CTSS: variants seen among roughly 807,000 people sequenced by gnomAD.
The protein encoded by CTSS is cathepsin S.
CTSS carries 15 observed loss-of-function variants against 39.9 expected under a neutral mutation model. That is an observed-to-expected ratio of 0.38 (90% CI 0.25 to 0.58). CTSS has a LOEUF of 0.58. CTSS is among the 20% of genes least tolerant of loss of function. The probability of loss-of-function intolerance (pLI) is 0.70; values close to 1 mark genes in which losing one functional copy is unlikely to be tolerated. For missense variants in CTSS, 250 were observed against 398.2 expected (o/e 0.63, Z 3.17); for synonymous variants, 126 against 138.2 (o/e 0.91, Z 0.62).
In CTSS at chr1:150,747,827, C is replaced by T. The variant is rs766251331; in HGVS notation, c.846G>A (p.Val282=). ...CTQNVNHGVL[V]VGYGDLNGKE... Reference sequence around the variant, plus strand: ...TCCCATTAAGATCACCATAGCCAACCACAAGTACACCATGATTCACATTCT... The same window carrying T: ...TCCCATTAAGATCACCATAGCCAACTACAAGTACACCATGATTCACATTCT... Residue 282 remains valine, a synonymous_variant, in exon 7 of 8, where the codon GTG becomes GTA. Transcript: ENST00000368985. 1.2e-4 allele frequency: 195 copies of T among 1,613,738 alleles called. 1 individual carries two copies. The Admixed American group carries it at 3.2e-3, about 26-fold the overall frequency.
chr1:150,742,053 A>T (rs1347886866), intron 7 of CTSS, among the ~76,000 whole-genome samples: 2 of 152,090 alleles, frequency 1.3e-5, no homozygotes, highest in East Asian at 3.9e-4. Flanking sequence ...CCTGGCCAAC[A>T]TGGTGAAACT....
chr1:150,752,262 A>G (rs1344765747), intron 4 of CTSS, among the ~76,000 whole-genome samples: 1 of 152,214 alleles, frequency 6.6e-6, no homozygotes. Flanking sequence ...CCATATTCAA[A>G]TATACTTAGA....
In CTSS at chr1:150,732,771, C is replaced by T. The variant is rs1291866532; in HGVS notation, c.*275G>A. ...TACAGGCATGCACCACCGTGCTCGG[C>T]TAATTTTTTGTATTTTTAGTAGAGA... On this transcript the variant is annotated 3_prime_UTR_variant, in exon 8 of 8. Coordinates refer to ENST00000368985, the MANE Select transcript of CTSS (RefSeq NM_004079.5). The T allele has an allele frequency of 4.0e-6, 1 of 250,976 alleles. No homozygotes were observed. The highest frequency in any genetic ancestry group is 1.0e-4 in the East Asian group (1 of 9,546). 15.5% of individuals were successfully genotyped at this position (250,976 alleles called of 1,614,324 possible).
At chr1:150,757,653 A>G (rs1653161179) in intron 3 of CTSS, among the ~76,000 whole-genome samples, 1 of 152,164 alleles carries the variant, frequency 6.6e-6, no homozygotes, top group Admixed American at 6.5e-5. Context: ...TAAAGAAGTG[A>G]TTTGTTAAAG....
intron 7 of CTSS, among the ~76,000 whole-genome samples, chr1:150,735,847 C>T (rs1652625009): frequency 6.6e-6 from 1 of 151,450 alleles, no homozygotes; most frequent in Non-Finnish European, 1.5e-5. Flanking sequence ...AGCTCCGCCT[C>T]CCGGGTTCAC....
chr1:150,730,685 AAGTT>A lies in CTSS; in HGVS notation c.*2357_*2360del, dbSNP rs1412552519. Reference sequence around the variant, plus strand: ...AACCCCGTCACTAACCTCTAACTGAAAGTTAGGATTTTCTTCAATTCTGAACATA... The same window carrying A: ...AACCCCGTCACTAACCTCTAACTGAAAGGATTTTCTTCAATTCTGAACATA... On this transcript the variant is annotated 3_prime_UTR_variant, in exon 8 of 8. Transcript: ENST00000368985. 2 of 152,172 alleles carry A rather than the reference AAGTT, an allele frequency of 1.3e-5. No homozygotes were observed. Among genetic ancestry groups the A allele is most frequent in the African/African-American group, 4.8e-5 (2 of 41,428 alleles). The allele number at this position is 152,172 out of a possible 1,614,324, so 9.4% of individuals were successfully genotyped here.
chr1:150,734,421 A>G (rs1652591343), intron 7 of CTSS, among the ~76,000 whole-genome samples: 2 of 151,714 alleles, frequency 1.3e-5, no homozygotes, highest in Non-Finnish European at 2.9e-5. Flanking sequence ...CGGGCAGATC[A>G]TTTGAGGTCA....
chr1:150,764,498 A>G, intron 2 of CTSS, 140 bp downstream of exon 2: 1 of 1,147,602 alleles, frequency 8.7e-7, no homozygotes, highest in South Asian at 1.4e-5. Flanking sequence ...TTGGCCTTCC[A>G]AAGGGCTAGG....
At chr1:150,761,027 A>G (rs1423555192) in intron 2 of CTSS, among the ~76,000 whole-genome samples, 1 of 151,754 alleles carries the variant, frequency 6.6e-6, no homozygotes, top group Non-Finnish European at 1.5e-5. Flanking sequence ...AAAAACACAA[A>G]AATTAGCTAG....
At chr1:150,735,913 C>T (rs1035691160) in intron 7 of CTSS, among the ~76,000 whole-genome samples, 5 of 151,936 alleles carry the variant, frequency 3.3e-5, no homozygotes, top group African/African-American at 4.8e-5. Flanking sequence ...CCCACCACCA[C>T]GCCTGGCTAA....
At chr1:150,764,536 C>T (rs1300223460) in intron 2 of CTSS, 102 bp downstream of exon 2, 16 of 1,504,808 alleles carry the variant, frequency 1.1e-5, no homozygotes, top group Non-Finnish European at 1.5e-5. Context: ...CCACACCCAG[C>T]TTAAATATTT....
intron 7 of CTSS, among the ~76,000 whole-genome samples, chr1:150,740,198 A>G (rs1652720515): frequency 6.6e-6 from 1 of 152,234 alleles, no homozygotes; most frequent in African/African-American, 2.4e-5. Flanking sequence ...TTGCACAAAT[A>G]GCTATAACAC....
chr1:150,743,527 A>ATATATT (rs1454541974), intron 7 of CTSS, among the ~76,000 whole-genome samples: 1 of 139,682 alleles, frequency 7.2e-6, no homozygotes, highest in Non-Finnish European at 1.5e-5. Flanking sequence ...ATATTTATAA[A>ATATATT]TATATTTATA....
intron 3 of CTSS, among the ~76,000 whole-genome samples, chr1:150,756,266 C>T (rs1653124516): frequency 6.6e-6 from 1 of 152,160 alleles, no homozygotes; most frequent in Admixed American, 6.5e-5. Flanking sequence ...CTGTCATCTC[C>T]TCTGATAACA....
chr1:150,741,880 A>T lies in CTSS; in HGVS notation c.896+5897T>A, dbSNP rs587680086. ...ACAGAGCGAGACTCTGTCTCAAAAA[A>T]AAAAGGGGGGGGGAAGAATATGAAC... On this transcript the variant is annotated intron_variant, in intron 7 of 7. Transcript: ENST00000368985. 5.4e-5 allele frequency among the ~76,000 whole-genome samples: 7 copies of T among 129,548 alleles called. No homozygotes were observed. In the East Asian group the frequency reaches 6.7e-4, roughly 12 times the overall value. The allele number at this position is 129,548 out of a possible 152,430, so 85.0% of individuals were successfully genotyped here.
intron 7 of CTSS, among the ~76,000 whole-genome samples, chr1:150,740,320 G>T (rs1387038838): frequency 6.6e-6 from 1 of 152,036 alleles, no homozygotes; most frequent in Non-Finnish European, 1.5e-5. Flanking sequence ...ATTTGAGGCA[G>T]GATTTAAAAA....
Position 150,764,724 on chromosome 1 carries a change from C to T in CTSS, c.40G>A (p.Ala14Thr). Residue 14 changes from alanine to threonine, a missense_variant, in exon 2 of 8, where the codon GCA becomes ACA. Physicochemically the swap from Ala to Thr is moderately conservative, Grantham distance 58. Transcript: ENST00000368985. ...GGATCTTTATGCAACTGTGCCACTGCAGAGGAGCACACCAAGAGCACACAA... is the reference window on the plus strand; with the variant it reads ...GGATCTTTATGCAACTGTGCCACTGTAGAGGAGCACACCAAGAGCACACAA... ...LVCVLLVCSSAVAQLHKDPTL... is the reference protein window; with the variant it reads ...LVCVLLVCSSTVAQLHKDPTL... 1 of 1,614,062 alleles carries T rather than the reference C, an allele frequency of 6.2e-7. No homozygotes were observed.
At chr1:150,759,058 C>T (rs941056354) in intron 2 of CTSS, among the ~76,000 whole-genome samples, 1 of 147,566 alleles carries the variant, frequency 6.8e-6, no homozygotes, top group African/African-American at 2.5e-5. Context: ...TTTGTAGAGA[C>T]AGGGTCTCCC....
chr1:150,752,855 TTTTG>T (rs1168367544), intron 4 of CTSS, among the ~76,000 whole-genome samples: 5 of 152,078 alleles, frequency 3.3e-5, no homozygotes, highest in South Asian at 2.1e-4. Context: ...ATTTACTTCT[TTTTG>T]TTTGTTTGTT....
Sources: gnomAD v4.1 joint callset for allele counts (sites outside exome capture counted in the v4.1 genomes callset) on GRCh38, gnomAD v4.1.1 for gene constraint, MANE v1.5 for transcripts, NCBI Gene and HGNC (gene_info 2026-07-23, HGNC 2026-07-21) for gene names.